KATNAL1: variants seen among roughly 807,000 people sequenced by gnomAD.
KATNAL1 encodes the protein katanin catalytic subunit A1 like 1.
A neutral mutation model predicts 55.2 loss-of-function variants in KATNAL1; 32 were observed. The observed-to-expected ratio is 0.58, with a 90% CI of 0.44 to 0.78. The LOEUF is 0.78. KATNAL1 is among the 30% of genes least tolerant of loss of function. The probability of loss-of-function intolerance (pLI) is 0.00; values close to 1 mark genes in which losing one functional copy is unlikely to be tolerated. For synonymous variants in KATNAL1, 193 were observed against 193.6 expected, an observed-to-expected ratio of 1.00 and a Z score of 0.02; for missense variants, 466 against 600.9, an observed-to-expected ratio of 0.78 and a Z score of 2.35.
chr13:30,240,626 A>C (rs1877171187), intron 5 of KATNAL1, 61 bp from the exon 6 acceptor site: 1 of 1,156,822 alleles, frequency 8.6e-7, no homozygotes, highest in Non-Finnish European at 1.3e-6. Flanking sequence ...TATGGTCAAA[A>C]CTAATTCTTT....
At position 30,206,611 on chromosome 13, in the gene KATNAL1, T is replaced by A. The variant is rs1357769376; in HGVS notation, c.*1929A>T. 6.6e-6 allele frequency: 1 copy of A among 152,150 alleles called. No individual in the cohort carries two copies. The highest frequency in any genetic ancestry group is 1.9e-4 in the East Asian group (1 of 5,166). 9.4% of individuals were successfully genotyped at this position (152,150 alleles called of 1,614,324 possible). On this transcript the variant is annotated 3_prime_UTR_variant, in exon 11 of 11. Transcript: ENST00000380615. ...CCCAGAAAAGGTCTAACTAATCAAC[T>A]ATTGTTAGGCTGGTGCAAAAGTAAT...
intron 9 of KATNAL1, among the ~76,000 whole-genome samples, chr13:30,212,390 T>C (rs1005969248): frequency 7.9e-5 from 12 of 152,238 alleles, no homozygotes; most frequent in Non-Finnish European, 1.6e-4. Flanking sequence ...TGCCTGGCAA[T>C]GCACAGTGGC....
intron 5 of KATNAL1, among the ~76,000 whole-genome samples, 184 bp from the exon 6 acceptor site, chr13:30,240,749 T>G (rs1010386121): frequency 6.6e-6 from 1 of 152,242 alleles, no homozygotes; most frequent in African/African-American, 2.4e-5. Flanking sequence ...GTCATTGAAT[T>G]AACAACTTGT....
At position 30,258,779 on chromosome 13, in the gene KATNAL1, G is replaced by A. The variant is rs1477984319; in HGVS notation, c.324-3164C>T. On this transcript the variant is annotated intron_variant, in intron 3 of 10. Coordinates refer to ENST00000380615, the MANE Select transcript of KATNAL1 (RefSeq NM_032116.5). Reference sequence around the variant, plus strand: ...TATCTCGATTTTTTTTCACCCAAATGGATAATCAATTACCCCAGAAGCATT... The same window carrying A: ...TATCTCGATTTTTTTTCACCCAAATAGATAATCAATTACCCCAGAAGCATT... 3.6e-4 allele frequency among the ~76,000 whole-genome samples: 54 copies of A among 151,932 alleles called. 2 individuals are homozygous for A. Among genetic ancestry groups the A allele is most frequent in the Admixed American group, 3.5e-3 (54 of 15,252 alleles).
rs1339518567 is a variant in KATNAL1 at position 30,262,297 on chromosome 13, CAATTAA to C, written c.324-6688_324-6683del. On this transcript the variant is annotated intron_variant, in intron 3 of 10. Coordinates refer to ENST00000380615, the MANE Select transcript of KATNAL1 (RefSeq NM_032116.5). The stretch of plus-strand genomic sequence containing the variant: ...ATTCAAAATTGACACCCTAACATCA[CAATTAA>C]AAGAACTAGAAAAGCAAGAGCAAAC... 3.0e-4 allele frequency among the ~76,000 whole-genome samples: 46 copies of C among 152,000 alleles called. 2 individuals carry two copies. The East Asian group carries it at 8.5e-3, about 28-fold the overall frequency.
intron 3 of KATNAL1, among the ~76,000 whole-genome samples, chr13:30,274,468 C>A (rs1880605239): frequency 6.6e-6 from 1 of 152,170 alleles, no homozygotes; most frequent in African/African-American, 2.4e-5. Flanking sequence ...TATATGTATA[C>A]AGAAACACAG....
chr13:30,261,069 A>G (rs912366243), intron 3 of KATNAL1, among the ~76,000 whole-genome samples: 10 of 152,218 alleles, frequency 6.6e-5, no homozygotes, highest in Admixed American at 2.6e-4. Flanking sequence ...AATATTCAAC[A>G]TTCTTAAAGA....
intron 3 of KATNAL1, among the ~76,000 whole-genome samples, chr13:30,269,997 G>A (rs1168004931): frequency 6.7e-6 from 1 of 148,588 alleles, no homozygotes; most frequent in African/African-American, 2.5e-5. Flanking sequence ...CCTCTGCCCG[G>A]CCAGCCGCCC....
At chr13:30,231,216 G>T in intron 7 of KATNAL1, 98 bp downstream of exon 7, 2 of 887,748 alleles carry the variant, frequency 2.3e-6, no homozygotes, top group Non-Finnish European at 3.4e-6. Context: ...GAACTACACT[G>T]CCCTTTTCAA....
Position 30,203,036 on chromosome 13 carries a change from T to C in KATNAL1, c.*5504A>G, listed in dbSNP as rs1310027965. 2 of 152,190 alleles carry C rather than the reference T, an allele frequency of 1.3e-5. No homozygotes were observed. Among genetic ancestry groups the C allele is most frequent in the Non-Finnish European group, 2.9e-5 (2 of 68,034 alleles). The allele number at this position is 152,190 out of a possible 1,614,324, so 9.4% of individuals were successfully genotyped here. On this transcript the variant is annotated 3_prime_UTR_variant, in exon 11 of 11. Coordinates refer to ENST00000380615, the MANE Select transcript of KATNAL1 (RefSeq NM_032116.5). ...AGAATGAACATAGGAACATGTAGGA[T>C]CCACAATTTTTAATGTCATCAGGTT...
intron 2 of KATNAL1, among the ~76,000 whole-genome samples, chr13:30,282,659 G>A (rs183443546): frequency 3.1e-3 from 457 of 148,436 alleles, no homozygotes; most frequent in South Asian, 0.02. Context: ...AAAAAAGAAA[G>A]AAAGAAAGAA....
intron 4 of KATNAL1, among the ~76,000 whole-genome samples, chr13:30,254,499 AT>A (rs1383430576): frequency 1.3e-5 from 2 of 152,214 alleles, no homozygotes; most frequent in African/African-American, 4.8e-5. Context: ...CACCAATTTT[AT>A]TCTATCTTGG....
chr13:30,272,302 G>A (rs1251767850), intron 3 of KATNAL1, among the ~76,000 whole-genome samples: 1 of 152,164 alleles, frequency 6.6e-6, no homozygotes, highest in Non-Finnish European at 1.5e-5. Context: ...GGAGGCTGAG[G>A]CAGGAGAATT....
rs1878791252 is a variant in KATNAL1, at chr13:30,256,397, C to T, written c.324-782G>A. Reference sequence around the variant, plus strand: ...TTGATTCTTGGGAAAGGGACTCTATCACTTCGTGTCTAATCTTAGTTCTCT... The same window carrying T: ...TTGATTCTTGGGAAAGGGACTCTATTACTTCGTGTCTAATCTTAGTTCTCT... On this transcript the variant is annotated intron_variant, in intron 3 of 10. Coordinates refer to ENST00000380615, the MANE Select transcript of KATNAL1 (RefSeq NM_032116.5). 2.0e-5 allele frequency among the ~76,000 whole-genome samples: 3 copies of T among 152,202 alleles called. No individual in the cohort carries two copies. The South Asian group carries it at 6.2e-4, about 31-fold the overall frequency.
At chr13:30,227,572 T>C (rs760560411) in intron 8 of KATNAL1, 26 bp from the exon 9 acceptor site, 4 of 1,592,052 alleles carry the variant, frequency 2.5e-6, no homozygotes, top group Admixed American at 3.5e-5. Context: ...GAGGAAAAGA[T>C]AGTGTTTTTC....
intron 3 of KATNAL1, among the ~76,000 whole-genome samples, chr13:30,259,651 T>C (rs1879096594): frequency 6.6e-6 from 1 of 152,230 alleles, no homozygotes; most frequent in Non-Finnish European, 1.5e-5. Flanking sequence ...ACCTGAATGC[T>C]GCGCTTTTCT....
chr13:30,227,623 A>C (rs932144845), intron 8 of KATNAL1, 77 bp from the exon 9 acceptor site: 1 of 1,502,476 alleles, frequency 6.7e-7, no homozygotes, highest in Non-Finnish European at 9.1e-7. Flanking sequence ...CATTTCTTTT[A>C]GCCAAAGTGG....
Position 30,280,064 on chromosome 13 carries a change from T to G in KATNAL1, c.322A>C (p.Arg108=), listed in dbSNP as rs746836840. ...AAGAGAATATAAAGTCCTATTTACC[T>G]GTGTTCTGCAGGAACAGGGGGTGGC... ...VWPPPVPAEH[R]APPQIRRPNR... The change falls in exon 3 of 11, where the codon AGA becomes CGA. Residue 108 remains arginine, a splice_region_variant and synonymous_variant. Coordinates refer to ENST00000380615, the MANE Select transcript of KATNAL1 (RefSeq NM_032116.5). The G allele has an allele frequency of 6.2e-7, 1 of 1,610,164 alleles. No homozygotes were observed. Among genetic ancestry groups the G allele is most frequent in the African/African-American group, 1.3e-5 (1 of 74,732 alleles).
At chr13:30,216,181 G>A (rs1874208081) in intron 9 of KATNAL1, among the ~76,000 whole-genome samples, 1 of 152,048 alleles carries the variant, frequency 6.6e-6, no homozygotes, top group South Asian at 2.1e-4. Flanking sequence ...TTTAAAAGGA[G>A]GTAAAACTTT....
Sources: allele counts gnomAD v4.1 joint callset (sites outside exome capture counted in the v4.1 genomes callset), GRCh38; gene constraint gnomAD v4.1.1; transcripts MANE v1.5; gene names NCBI Gene and HGNC (gene_info 2026-07-23, HGNC 2026-07-21).